The following MACROD2 variants were observed in gnomAD, a reference collection of about 807,000 sequenced individuals.
The protein encoded by MACROD2 is ADP-ribose glycohydrolase MACROD2.
MACROD2 carries 36 observed loss-of-function variants against 70.4 expected under a neutral mutation model. The observed-to-expected ratio is 0.51, with a 90% confidence interval of 0.39 to 0.68. The LOEUF is 0.68. Among genes scored for constraint, MACROD2 ranks in the 30% least tolerant of loss-of-function variants. The pLI, the probability that MACROD2 is intolerant of heterozygous loss-of-function variation, is 0.00. For synonymous variants in MACROD2, 172 were observed against 178.8 expected, an observed-to-expected ratio of 0.96 and a Z score of 0.30; for missense variants, 496 against 538.4, an observed-to-expected ratio of 0.92 and a Z score of 0.78.
chr20:14,147,919 A>G (rs1569179705), intron 3 of MACROD2, among the ~76,000 whole-genome samples: 1 of 152,144 alleles, frequency 6.6e-6, no homozygotes, highest in East Asian at 1.9e-4. Context: ...TGAAAAAAAA[A>G]GTGACTTTAT....
chr20:15,555,855 G>A (rs2224299), intron 8 of MACROD2, among the ~76,000 whole-genome samples: 23,979 of 91,290 alleles, frequency 0.26, 3,026 homozygotes, highest in African/African-American at 0.45. Flanking sequence ...AAAAAAAAAA[G>A]GAAAAGAAAA....
chr20:14,297,885 G>T (rs1280234581), intron 3 of MACROD2, among the ~76,000 whole-genome samples: 1 of 151,876 alleles, frequency 6.6e-6, no homozygotes, highest in Non-Finnish European at 1.5e-5. Flanking sequence ...AGCTTCAAAG[G>T]ACAGGCTGAC....
At chr20:14,568,775 T>C (rs977604815) in intron 4 of MACROD2, among the ~76,000 whole-genome samples, 2 of 152,044 alleles carry the variant, frequency 1.3e-5, no homozygotes, top group Non-Finnish European at 2.9e-5. Flanking sequence ...TGTAGGCTTT[T>C]CTGAGAAGTA....
In MACROD2 at chr20:14,276,525, C is replaced by T. The variant is rs1157112126; in HGVS notation, c.271+190797C>T. Reference sequence around the variant, plus strand: ...ATAGCATTAGGAGATATACCTAATGCTAAATGACGAGTCAATGGGTGCAGC... The same window carrying T: ...ATAGCATTAGGAGATATACCTAATGTTAAATGACGAGTCAATGGGTGCAGC... On this transcript the variant is annotated intron_variant, in intron 3 of 17. Coordinates refer to ENST00000684519, the MANE Select transcript of MACROD2 (RefSeq NM_001351661.2). 3.4e-5 allele frequency among the ~76,000 whole-genome samples: 5 copies of T among 147,990 alleles called. No homozygotes were observed. In the East Asian group the frequency reaches 8.3e-4, roughly 24 times the overall value.
intron 5 of MACROD2, among the ~76,000 whole-genome samples, chr20:15,180,737 C>A (rs369511231): frequency 6.6e-6 from 1 of 152,206 alleles, no homozygotes; most frequent in Non-Finnish European, 1.5e-5. Flanking sequence ...GTGATCCACC[C>A]GCCTTGGCCT....
chr20:14,134,832 A>G (rs2148701985), intron 3 of MACROD2, among the ~76,000 whole-genome samples: 1 of 151,530 alleles, frequency 6.6e-6, no homozygotes, highest in South Asian at 2.1e-4. Flanking sequence ...ACAGCTACAA[A>G]TTCATGTCAA....
rs1600927306 is a variant in MACROD2, at chr20:15,809,882, AC to A, written c.646-52862del. On this transcript the variant is annotated intron_variant, in intron 8 of 17. Transcript: ENST00000684519. ...CTATCTTTTTTTTTTTTTTTATTAT[AC>A]TTTAAGTTTTAGGGTACATGTGCAC... 2.4e-5 allele frequency among the ~76,000 whole-genome samples: 3 copies of A among 123,436 alleles called. No individual in the cohort carries two copies. In the East Asian group the frequency reaches 6.9e-4, roughly 28 times the overall value. The allele number at this position is 123,436 out of a possible 152,430, so 81.0% of individuals were successfully genotyped here.
In MACROD2 at chr20:14,463,889, A is replaced by T. The variant is rs181528195; in HGVS notation, c.272-29590A>T. 7.0e-3 allele frequency among the ~76,000 whole-genome samples: 1,067 copies of T among 151,996 alleles called. 22 individuals are homozygous for T. Among genetic ancestry groups the T allele is most frequent in the African/African-American group, 0.025 (1,026 of 41,406 alleles). On this transcript the variant is annotated intron_variant, in intron 3 of 17. Transcript: ENST00000684519. ...TTGCATCCCAGGGATGAAGCCCACT[A>T]GATCATGGTGGATAAGCTTTTTGAT...
At chr20:14,983,614 C>G (rs2074821831) in intron 5 of MACROD2, among the ~76,000 whole-genome samples, 1 of 152,124 alleles carries the variant, frequency 6.6e-6, no homozygotes, top group Admixed American at 6.5e-5. Context: ...TTGTCTGTCA[C>G]CGTGTGAGAT....
Position 14,572,868 on chromosome 20 carries a change from CATATTAA to C in MACROD2, c.301+79376_301+79382del, listed in dbSNP as rs766466557. Among the ~76,000 whole-genome samples the C allele has an allele frequency of 1.2e-3, 177 of 149,762 alleles. 1 individual carries two copies. The highest frequency in any genetic ancestry group is 2.0e-3 in the Admixed American group (30 of 14,966). ...AATAAAATATTTAAAGATATTTTAACATATTAAATATTAAATATTAAAGATATTTTAA... is the reference window on the plus strand; with the variant it reads ...AATAAAATATTTAAAGATATTTTAACATATTAAATATTAAAGATATTTTAA... On this transcript the variant is annotated intron_variant, in intron 4 of 17. Coordinates refer to ENST00000684519, the MANE Select transcript of MACROD2 (RefSeq NM_001351661.2).
intron 3 of MACROD2, among the ~76,000 whole-genome samples, chr20:14,089,960 G>T (rs1206420601): frequency 1.3e-5 from 2 of 152,076 alleles, no homozygotes; most frequent in Non-Finnish European, 2.9e-5. Flanking sequence ...GAAGTTTGGG[G>T]TATGACTGAT....
intron 5 of MACROD2, among the ~76,000 whole-genome samples, chr20:15,025,259 G>C (rs1025678570): frequency 1.3e-5 from 2 of 151,932 alleles, no homozygotes; most frequent in African/African-American, 4.8e-5. Context: ...GGGGGAGAGA[G>C]AGGGGGTTGT....
At chr20:15,491,865 T>G (rs2047235646) in intron 7 of MACROD2, among the ~76,000 whole-genome samples, 1 of 152,248 alleles carries the variant, frequency 6.6e-6, no homozygotes, top group Non-Finnish European at 1.5e-5. Context: ...AGAAGATACA[T>G]GCAGTGCATC....
chr20:14,442,591 G>A (rs2084135989), intron 3 of MACROD2, among the ~76,000 whole-genome samples: 2 of 151,810 alleles, frequency 1.3e-5, no homozygotes, highest in Non-Finnish European at 2.9e-5. Flanking sequence ...TCATGAAATG[G>A]GAATTAATAA....
chr20:15,219,968 A>AT (rs1359197935), intron 5 of MACROD2, among the ~76,000 whole-genome samples: 2 of 151,752 alleles, frequency 1.3e-5, no homozygotes, highest in African/African-American at 4.8e-5. Flanking sequence ...AAAAAAAAAA[A>AT]AAAAGGCAAA....
At chr20:15,745,417 G>A (rs1342744567) in intron 8 of MACROD2, among the ~76,000 whole-genome samples, 1 of 152,088 alleles carries the variant, frequency 6.6e-6, no homozygotes, top group Non-Finnish European at 1.5e-5. Flanking sequence ...CGACTGAAGT[G>A]CTTTTTCAAG....
chr20:14,125,532 T>C (rs997215478), intron 3 of MACROD2, among the ~76,000 whole-genome samples: 1 of 152,160 alleles, frequency 6.6e-6, no homozygotes, highest in Non-Finnish European at 1.5e-5. Flanking sequence ...ATCACCATAA[T>C]TGTACCACTC....
chr20:15,039,938 T>A (rs975624032), intron 5 of MACROD2, among the ~76,000 whole-genome samples: 4 of 152,182 alleles, frequency 2.6e-5, no homozygotes, highest in Admixed American at 6.5e-5. Flanking sequence ...GAGTCCTTGC[T>A]TCCTTCCACA....
chr20:14,996,248 G>A (rs947733239), intron 5 of MACROD2, among the ~76,000 whole-genome samples: 1 of 152,210 alleles, frequency 6.6e-6, no homozygotes, highest in African/African-American at 2.4e-5. Context: ...AGCCTTGGCT[G>A]TGTGGCTTTT....
Sources: allele counts gnomAD v4.1 joint callset (sites outside exome capture counted in the v4.1 genomes callset), GRCh38; gene constraint gnomAD v4.1.1; transcripts MANE v1.5; gene names NCBI Gene and HGNC (gene_info 2026-07-23, HGNC 2026-07-21).